PLA2G5: variants seen among roughly 807,000 people sequenced by gnomAD.
PLA2G5 encodes phospholipase A2 group V, also known as Ca2+-dependent phospholipase A2.
In PLA2G5, 12 loss-of-function variants were observed where a neutral mutation model predicts 15.9. That is an observed-to-expected ratio of 0.76 (90% CI 0.48 to 1.23). The LOEUF (loss-of-function observed/expected upper bound fraction) is 1.23. Ranked by LOEUF, PLA2G5 falls within the 50% of genes most tolerant of loss-of-function variation. The probability of loss-of-function intolerance (pLI) is 0.00; values close to 1 mark genes in which losing one functional copy is unlikely to be tolerated. For missense variants in PLA2G5, 169 were observed against 177.1 expected (o/e 0.95, Z 0.26); for synonymous variants, 71 against 71.4 (o/e 0.99, Z 0.03).
Position 20,081,156 on chromosome 1 carries a change from G to A in PLA2G5, c.-10-3665G>A, listed in dbSNP as rs564470430. Among the ~76,000 whole-genome samples, 80 of 151,456 alleles carry A rather than the reference G, an allele frequency of 5.3e-4. 1 individual carries two copies. Among genetic ancestry groups the A allele is most frequent in the African/African-American group, 1.9e-3 (76 of 41,002 alleles). ...TCTCTCCCCTCTCATTACTGCAACC[G>A]CTGCCCTCCTCTGAAATTCTCTCGC... On this transcript the variant is annotated intron_variant, in intron 1 of 4. Coordinates refer to ENST00000375108, the MANE Select transcript of PLA2G5 (RefSeq NM_000929.3).
intron 1 of PLA2G5, among the ~76,000 whole-genome samples, chr1:20,036,551 T>C (rs1184579084): frequency 6.6e-6 from 1 of 152,200 alleles, no homozygotes; most frequent in Non-Finnish European, 1.5e-5. Flanking sequence ...TTCAAGTGTA[T>C]TTTGCATTTC....
intron 3 of PLA2G5, 49 bp downstream of exon 3, chr1:20,086,276 T>G: frequency 1.3e-6 from 2 of 1,580,766 alleles, no homozygotes; most frequent in South Asian, 2.2e-5. Flanking sequence ...TCTGCACCCA[T>G]GTTTTCTTAT....
At chr1:20,036,364 C>T (rs374000065) in intron 1 of PLA2G5, among the ~76,000 whole-genome samples, 2 of 152,250 alleles carry the variant, frequency 1.3e-5, no homozygotes, top group South Asian at 4.1e-4. Flanking sequence ...TCTTTGGGAA[C>T]ACCAATTATT....
In PLA2G5 at chr1:20,089,807, C is replaced by G. The variant is rs1230150817; in HGVS notation, c.204C>G (p.Asp68Glu). 1 of 1,613,944 alleles carries G rather than the reference C, an allele frequency of 6.2e-7. No homozygotes were observed. The highest frequency in any genetic ancestry group is 8.5e-7 in the Non-Finnish European group (1 of 1,179,938). Reference protein sequence around the residue: ...DGTDWCCWAHDHCYGRLEEKG... With the variant: ...DGTDWCCWAHEHCYGRLEEKG... ...CGGACAGGTGCTGTTGGGCGCATGA[C>G]CACTGCTATGGGCGGCTGGAGGAGA... is the stretch of plus-strand genomic sequence containing the variant. The change falls in exon 4 of 5, where the codon GAC becomes GAG. Residue 68 changes from aspartate (D) to glutamate (E), a missense_variant. Asp to Glu is a conservative substitution (Grantham distance 45). Transcript: ENST00000375108.
intron 1 of PLA2G5, among the ~76,000 whole-genome samples, chr1:20,030,388 T>A (rs1363759281): frequency 6.6e-6 from 1 of 151,976 alleles, no homozygotes; most frequent in Non-Finnish European, 1.5e-5. Flanking sequence ...CACAAGCATC[T>A]CAGTGCGGTA....
At chr1:20,089,660 C>A in intron 3 of PLA2G5, 129 bp from the exon 4 acceptor site, 2 of 674,986 alleles carry the variant, frequency 3.0e-6, no homozygotes, top group Non-Finnish European at 5.4e-6. Flanking sequence ...ACTACCAGAT[C>A]CTCCCTGCCA....
chr1:20,055,421 C>T (rs2014385336), intron 1 of PLA2G5, among the ~76,000 whole-genome samples: 1 of 152,180 alleles, frequency 6.6e-6, no homozygotes, highest in African/African-American at 2.4e-5. Context: ...GCTTGGGTTT[C>T]TGGAGTGGTT....
chr1:20,083,900 C>G (rs539410843), intron 1 of PLA2G5, among the ~76,000 whole-genome samples: 4 of 151,678 alleles, frequency 2.6e-5, no homozygotes, highest in Non-Finnish European at 5.9e-5. Flanking sequence ...TCGTGAGCCC[C>G]CAGGGTTGAC....
intron 2 of PLA2G5, 72 bp downstream of exon 2, chr1:20,084,942 C>T (rs756585309): frequency 1.1e-5 from 11 of 1,039,374 alleles, no homozygotes; most frequent in Non-Finnish European, 1.5e-5. Context: ...AAAAGGACAC[C>T]AGCCATTGAG....
At chr1:20,074,664 C>T (rs2015573004) in intron 1 of PLA2G5, among the ~76,000 whole-genome samples, 1 of 152,182 alleles carries the variant, frequency 6.6e-6, no homozygotes, top group South Asian at 2.1e-4. Flanking sequence ...TAAAAAGTGC[C>T]TTCCGGGGAG....
upstream of PLA2G5, among the ~76,000 whole-genome samples, chr1:20,065,328 G>C (rs2100495779): frequency 6.6e-6 from 1 of 152,218 alleles, no homozygotes; most frequent in African/African-American, 2.4e-5. Context: ...GCAGTTCTAT[G>C]GGTTTTGACA....
intron 1 of PLA2G5, among the ~76,000 whole-genome samples, chr1:20,082,285 G>T (rs2016070093): frequency 6.6e-6 from 1 of 151,760 alleles, no homozygotes; most frequent in Non-Finnish European, 1.5e-5. Context: ...TCCTCCCTTG[G>T]GTTGGTGGGG....
At chr1:20,084,039 A>AT (rs2016164660) in intron 1 of PLA2G5, among the ~76,000 whole-genome samples, 1 of 151,928 alleles carries the variant, frequency 6.6e-6, no homozygotes, top group Non-Finnish European at 1.5e-5. Flanking sequence ...CTTGGATTAC[A>AT]TTTTTCTTTA....
upstream of PLA2G5, among the ~76,000 whole-genome samples, chr1:20,069,851 T>C (rs933599865): frequency 3.3e-5 from 5 of 151,634 alleles, no homozygotes; most frequent in African/African-American, 7.3e-5. Flanking sequence ...ATTGGGACAA[T>C]AGGGGAAATT....
chr1:20,029,303 GTGCATTCCTC>G (rs2012754381), intron 1 of PLA2G5, among the ~76,000 whole-genome samples: 1 of 152,080 alleles, frequency 6.6e-6, no homozygotes, highest in Non-Finnish European at 1.5e-5. Flanking sequence ...TTGCCTGTTG[GTGCATTCCTC>G]TCAACGTCCA....
intron 1 of PLA2G5, among the ~76,000 whole-genome samples, chr1:20,057,529 C>T (rs1043140256): frequency 3.3e-5 from 5 of 152,110 alleles, no homozygotes; most frequent in Admixed American, 2.0e-4. Flanking sequence ...TAAAGAGTCT[C>T]GCTCTGTCAC....
chr1:20,060,558 A>G (rs1054195899), intron 2 of PLA2G5, among the ~76,000 whole-genome samples: 1 of 148,478 alleles, frequency 6.7e-6, no homozygotes, highest in African/African-American at 2.5e-5. Context: ...CAGCCAGTTC[A>G]GTGTTTTCAA....
chr1:20,081,001 C>T (rs2015989171), intron 1 of PLA2G5, among the ~76,000 whole-genome samples: 2 of 151,874 alleles, frequency 1.3e-5, no homozygotes, highest in Admixed American at 6.5e-5. Context: ...CCGCACTGTG[C>T]GTTCTTTCCA....
At chr1:20,047,684 T>C (rs1251849854) in intron 1 of PLA2G5, among the ~76,000 whole-genome samples, 2 of 152,070 alleles carry the variant, frequency 1.3e-5, no homozygotes, top group East Asian at 3.9e-4. Flanking sequence ...GTTTATCTCA[T>C]GGCTAAAGTT....
Sources: allele counts gnomAD v4.1 joint callset (sites outside exome capture counted in the v4.1 genomes callset), GRCh38; gene constraint gnomAD v4.1.1; transcripts MANE v1.5; gene names NCBI Gene and HGNC (gene_info 2026-07-23, HGNC 2026-07-21).